ERC2: variants seen among roughly 807,000 people sequenced by gnomAD.
The protein encoded by ERC2 is ERC protein 2.
ERC2 carries 42 observed loss-of-function variants against 114.8 expected under a neutral mutation model. The observed-to-expected ratio is 0.37, with a 90% confidence interval of 0.29 to 0.47. The LOEUF (loss-of-function observed/expected upper bound fraction) is 0.47. Among genes scored for constraint, ERC2 ranks in the 20% least tolerant of loss-of-function variants. The probability of loss-of-function intolerance (pLI) is 0.99; values close to 1 mark genes in which losing one functional copy is unlikely to be tolerated. For missense variants in ERC2, 939 were observed against 1,150.7 expected, an observed-to-expected ratio of 0.82 and a Z score of 2.66; for synonymous variants, 454 against 425.5, an observed-to-expected ratio of 1.07 and a Z score of -0.82.
intron 14 of ERC2, among the ~76,000 whole-genome samples, chr3:55,798,196 G>A (rs1256275918): frequency 1.3e-5 from 2 of 152,246 alleles, no homozygotes; most frequent in East Asian, 1.9e-4. Flanking sequence ...CAGAACTGGT[G>A]AAAGATATAA....
At chr3:55,610,173 T>C (rs561463361) in intron 17 of ERC2, among the ~76,000 whole-genome samples, 3 of 151,060 alleles carry the variant, frequency 2.0e-5, no homozygotes, top group Non-Finnish European at 4.4e-5. Flanking sequence ...CTTTGTGCAA[T>C]GTAGGATATT....
At chr3:56,346,287 T>C (rs1467543283) in intron 2 of ERC2, among the ~76,000 whole-genome samples, 1 of 152,214 alleles carries the variant, frequency 6.6e-6, no homozygotes, top group Non-Finnish European at 1.5e-5. Flanking sequence ...TTTTTTTAAA[T>C]TTCTACTTGC....
At chr3:56,292,177 C>T (rs2055129886) in intron 3 of ERC2, among the ~76,000 whole-genome samples, 1 of 152,080 alleles carries the variant, frequency 6.6e-6, no homozygotes, top group Admixed American at 6.6e-5. Flanking sequence ...CTGTGGAATC[C>T]CTCATTTCCC....
chr3:55,518,240 G>A (rs2052669701), intron 17 of ERC2, among the ~76,000 whole-genome samples: 1 of 152,182 alleles, frequency 6.6e-6, no homozygotes, highest in African/African-American at 2.4e-5. Context: ...TTTAAGCAGT[G>A]ATATGTTGGT....
intron 15 of ERC2, among the ~76,000 whole-genome samples, chr3:55,702,687 G>C (rs891730921): frequency 3.9e-5 from 6 of 152,110 alleles, no homozygotes; most frequent in Non-Finnish European, 2.9e-5. Flanking sequence ...TTTGTAACAA[G>C]GATTGGACAG....
intron 2 of ERC2, among the ~76,000 whole-genome samples, chr3:56,362,498 A>G (rs977014696): frequency 2.3e-4 from 35 of 152,176 alleles, no homozygotes; most frequent in African/African-American, 8.4e-4. Flanking sequence ...ATGTTGGGGA[A>G]GGAAAGAGAT....
chr3:55,590,772 T>C (rs932225148), intron 17 of ERC2, among the ~76,000 whole-genome samples: 1 of 152,234 alleles, frequency 6.6e-6, no homozygotes, highest in South Asian at 2.1e-4. Flanking sequence ...TCTGGTGTTG[T>C]AATCAAACTG....
intron 2 of ERC2, among the ~76,000 whole-genome samples, chr3:56,407,856 C>T (rs940807775): frequency 6.6e-6 from 1 of 152,172 alleles, no homozygotes; most frequent in Non-Finnish European, 1.5e-5. Flanking sequence ...TACTGCCCGT[C>T]ACTTCAGATG....
intron 7 of ERC2, among the ~76,000 whole-genome samples, chr3:56,061,423 A>T (rs2076240830): frequency 1.3e-5 from 2 of 152,206 alleles, no homozygotes; most frequent in African/African-American, 4.8e-5. Flanking sequence ...TGCAATTGGG[A>T]GACTTATCTA....
At position 55,699,390 on chromosome 3, in the gene ERC2, G is replaced by A; in HGVS notation, c.2835C>T (p.Pro945=). 6.2e-7 allele frequency: 1 copy of A among 1,613,790 alleles called. No individual in the cohort carries two copies. The highest frequency in any genetic ancestry group is 8.5e-7 in the Non-Finnish European group (1 of 1,179,800). The part of the protein sequence containing the change: ...PGRSQHSNHR[P]SPDQDDEEGI... ...CGATGAAACTGACCTGGTCCGGAGA[G>A]GGCCTGTGATTGGAATGTTGCGACC... The change falls in exon 16 of 18, where the codon CCC becomes CCT. Residue 945 remains proline (P), a synonymous_variant. Transcript: ENST00000288221.
intron 14 of ERC2, among the ~76,000 whole-genome samples, chr3:55,854,706 C>T (rs1249991033): frequency 6.6e-6 from 1 of 152,196 alleles, no homozygotes; most frequent in Non-Finnish European, 1.5e-5. Flanking sequence ...CACGGAGCAG[C>T]AGGGCCATTA....
intron 2 of ERC2, among the ~76,000 whole-genome samples, chr3:56,363,474 A>C (rs1016736605): frequency 1.3e-5 from 2 of 152,230 alleles, no homozygotes; most frequent in East Asian, 3.8e-4. Flanking sequence ...CAAGGTGTAC[A>C]TGACTGAATT....
intron 3 of ERC2, among the ~76,000 whole-genome samples, chr3:56,251,125 C>T (rs2052122265): frequency 6.6e-6 from 1 of 152,054 alleles, no homozygotes; most frequent in African/African-American, 2.4e-5. Context: ...CATTTCTCAC[C>T]CACCATAGAA....
At position 56,296,033 on chromosome 3, in the gene ERC2, T is replaced by A; in HGVS notation, c.1060A>T (p.Ile354Leu). 1 of 1,594,960 alleles carries A rather than the reference T, an allele frequency of 6.3e-7. No individual in the cohort carries two copies. The highest frequency in any genetic ancestry group is 8.6e-7 in the Non-Finnish European group (1 of 1,169,284). The change falls in exon 3 of 18, where the codon ATA becomes TTA. Residue 354 changes from isoleucine (I) to leucine (L), a missense_variant. Physicochemically the swap from Ile to Leu is conservative, Grantham distance 5 (BLOSUM62 2). Transcript: ENST00000288221. ...AATGCTCTTACCTCTCTAAGATGTA[T>A]GTTTTCCTTCTCTTTCTGATCTAAA... The part of the protein sequence containing the change: ...VILDQKEKEN[I>L]HLREELHRRS...
At chr3:55,579,360 G>A (rs2057143261) in intron 17 of ERC2, among the ~76,000 whole-genome samples, 1 of 152,078 alleles carries the variant, frequency 6.6e-6, no homozygotes, top group Admixed American at 6.5e-5. Flanking sequence ...TAATAACACT[G>A]GATTCAGAGA....
chr3:56,401,367 A>C (rs1546060), intron 2 of ERC2, among the ~76,000 whole-genome samples: 68,475 of 152,018 alleles, frequency 0.45, 16,556 homozygotes, highest in African/African-American at 0.61. Flanking sequence ...TCCCAATATT[A>C]ATCCATCTCC....
rs73831814 is a variant in ERC2, at chr3:55,945,647, A to G, written c.2403+4778T>C. Among the ~76,000 whole-genome samples, 1,152 of 152,304 alleles carry G rather than the reference A, an allele frequency of 7.6e-3. 8 individuals carry two copies. The highest frequency in any genetic ancestry group is 0.031 in the Middle Eastern group (9 of 294). On this transcript the variant is annotated intron_variant, in intron 13 of 17. Transcript: ENST00000288221. Reference sequence around the variant, plus strand: ...GGAAAGTAAAGGAAGTCCCCTTCGAAAAAAGATATTGGCTGTACAGGGTTG... The same window carrying G: ...GGAAAGTAAAGGAAGTCCCCTTCGAGAAAAGATATTGGCTGTACAGGGTTG...
intron 6 of ERC2, among the ~76,000 whole-genome samples, chr3:56,125,170 G>A (rs543881621): frequency 6.6e-6 from 1 of 152,000 alleles, no homozygotes; most frequent in Non-Finnish European, 1.5e-5. Context: ...AATTAACAAG[G>A]TCTTATTCCC....
chr3:55,721,773 C>A (rs2064569597), intron 15 of ERC2, among the ~76,000 whole-genome samples: 1 of 152,202 alleles, frequency 6.6e-6, no homozygotes. Context: ...GAGCATTAGA[C>A]CCCCAAACCA....
Sources: gnomAD v4.1 joint callset for allele counts (sites outside exome capture counted in the v4.1 genomes callset) on GRCh38, gnomAD v4.1.1 for gene constraint, MANE v1.5 for transcripts, NCBI Gene and HGNC (gene_info 2026-07-23, HGNC 2026-07-21) for gene names.